The following MAST4 variants were observed in gnomAD, a reference collection of about 807,000 sequenced individuals.
MAST4 encodes microtubule-associated serine/threonine-protein kinase 4.
Under a neutral mutation model 162.7 loss-of-function variants are expected in MAST4, and 89 were observed. The ratio of observed to expected loss-of-function variants is 0.55; its 90% CI spans 0.46 to 0.65. MAST4 has a LOEUF of 0.65. Ranked by LOEUF, MAST4 falls within the 30% of genes least tolerant of loss-of-function variation. The pLI, the probability that MAST4 is intolerant of heterozygous loss-of-function variation, is 0.00. For missense variants in MAST4, 3,153 were observed against 3,374.0 expected, an observed-to-expected ratio of 0.93 and a Z score of 1.62; for synonymous variants, 1,479 against 1,361.1, an observed-to-expected ratio of 1.09 and a Z score of -1.91.
intron 1 of MAST4, among the ~76,000 whole-genome samples, chr5:66,619,892 AAAG>A (rs1461240276): frequency 1.3e-5 from 2 of 151,750 alleles, no homozygotes; most frequent in Non-Finnish European, 2.9e-5. Flanking sequence ...TGAGTCCTAT[AAAG>A]AAAAAAGTGT....
At chr5:66,716,336 A>ATG (rs1292267618) in intron 1 of MAST4, among the ~76,000 whole-genome samples, 2 of 151,586 alleles carry the variant, frequency 1.3e-5, no homozygotes, top group African/African-American at 4.9e-5. Context: ...CTCTCTCTCT[A>ATG]TGTGTGTGTA....
At chr5:66,676,469 C>A (rs931282219) in intron 1 of MAST4, among the ~76,000 whole-genome samples, 2 of 152,148 alleles carry the variant, frequency 1.3e-5, no homozygotes, top group African/African-American at 4.8e-5. Context: ...GACTCTTTTC[C>A]TCACAAGGCT....
chr5:67,049,141 T>C (rs2591879), intron 4 of MAST4, among the ~76,000 whole-genome samples: 317 of 149,318 alleles, frequency 2.1e-3, no homozygotes, highest in South Asian at 3.8e-3. Flanking sequence ...TAGTTGCCTT[T>C]TGGGGACTGG....
intron 1 of MAST4, among the ~76,000 whole-genome samples, chr5:66,740,925 A>T (rs572732938): frequency 1.9e-4 from 29 of 152,328 alleles, no homozygotes; most frequent in South Asian, 1.2e-3. Flanking sequence ...TGAAATGGGG[A>T]TGATAATACC....
intron 4 of MAST4, among the ~76,000 whole-genome samples, chr5:66,981,744 A>G (rs1203794097): frequency 1.3e-5 from 2 of 152,114 alleles, no homozygotes; most frequent in Admixed American, 6.5e-5. Context: ...TTGAGATTTC[A>G]TTTTTCAAGA....
intron 4 of MAST4, among the ~76,000 whole-genome samples, chr5:66,988,468 C>T (rs1448878857): frequency 1.3e-5 from 2 of 152,214 alleles, no homozygotes; most frequent in Non-Finnish European, 2.9e-5. Flanking sequence ...TATAAAATAA[C>T]AGTAACATGA....
intron 1 of MAST4, among the ~76,000 whole-genome samples, chr5:66,642,889 A>G (rs904554231): frequency 2.0e-5 from 3 of 152,034 alleles, no homozygotes; most frequent in Non-Finnish European, 2.9e-5. Flanking sequence ...CTGGACTGTT[A>G]TTTGCTGTGG....
chr5:66,840,518 A>G (rs1387136865), intron 3 of MAST4, among the ~76,000 whole-genome samples: 2 of 149,882 alleles, frequency 1.3e-5, no homozygotes, highest in Admixed American at 6.7e-5. Context: ...TCAATCCTTA[A>G]ATTTTTTACT....
At chr5:67,092,729 A>T (rs16896249) in intron 6 of MAST4, among the ~76,000 whole-genome samples, 10,158 of 152,232 alleles carry the variant, frequency 0.067, 679 homozygotes, top group East Asian at 0.17. Context: ...TGAATCTCCA[A>T]GTGTATTTCC....
At chr5:67,077,067 G>T (rs1245903073) in intron 5 of MAST4, among the ~76,000 whole-genome samples, 2 of 152,200 alleles carry the variant, frequency 1.3e-5, no homozygotes, top group Non-Finnish European at 2.9e-5. Flanking sequence ...GACATACCCA[G>T]ACCCAAGGCC....
At chr5:67,089,505 T>A (rs1763605014) in intron 5 of MAST4, among the ~76,000 whole-genome samples, 1 of 152,176 alleles carries the variant, frequency 6.6e-6, no homozygotes, top group Non-Finnish European at 1.5e-5. Flanking sequence ...GTCCAGCTGC[T>A]TAGGAGCAGA....
At chr5:66,772,737 A>C (rs1034610530) in intron 2 of MAST4, among the ~76,000 whole-genome samples, 5 of 152,232 alleles carry the variant, frequency 3.3e-5, no homozygotes, top group Non-Finnish European at 7.3e-5. Flanking sequence ...TGAGGCCCAG[A>C]TTCTAGTCCC....
intron 1 of MAST4, among the ~76,000 whole-genome samples, chr5:66,707,239 G>A (rs768451040): frequency 7.9e-5 from 12 of 152,146 alleles, no homozygotes; most frequent in Non-Finnish European, 1.3e-4. Flanking sequence ...CTAGAAATAC[G>A]TCACAAACGG....
chr5:66,867,390 A>G (rs1580707969), intron 3 of MAST4, among the ~76,000 whole-genome samples: 1 of 152,352 alleles, frequency 6.6e-6, no homozygotes, highest in East Asian at 1.9e-4. Flanking sequence ...ACATGATGCA[A>G]ATTAAGCTAA....
intron 4 of MAST4, among the ~76,000 whole-genome samples, chr5:67,053,878 C>T (rs1477826536): frequency 6.6e-6 from 1 of 152,036 alleles, no homozygotes; most frequent in Non-Finnish European, 1.5e-5. Flanking sequence ...GAATTGAATG[C>T]CATATACAAG....
intron 4 of MAST4, among the ~76,000 whole-genome samples, chr5:66,969,238 C>T (rs1313499635): frequency 2.0e-5 from 3 of 152,142 alleles, no homozygotes; most frequent in African/African-American, 7.2e-5. Flanking sequence ...ATAGACCCCA[C>T]CTAGCTGGCT....
At chr5:67,077,925 C>A (rs927321160) in intron 5 of MAST4, among the ~76,000 whole-genome samples, 4 of 152,046 alleles carry the variant, frequency 2.6e-5, no homozygotes, top group African/African-American at 7.3e-5. Context: ...CATGGTGAAA[C>A]CCCCTCTCTA....
At chr5:66,981,286 A>T (rs540751394) in intron 4 of MAST4, among the ~76,000 whole-genome samples, 19 of 152,328 alleles carry the variant, frequency 1.2e-4, no homozygotes, top group African/African-American at 4.1e-4. Flanking sequence ...ATTGGAAATT[A>T]TCCGCTCAAA....
At chr5:66,614,847 TC>T (rs947495355) in intron 1 of MAST4, among the ~76,000 whole-genome samples, 1 of 152,170 alleles carries the variant, frequency 6.6e-6, no homozygotes, top group Non-Finnish European at 1.5e-5. Flanking sequence ...GATGGGGTTC[TC>T]CTGCTGGAGA....
Sources: gnomAD v4.1 joint callset for allele counts (sites outside exome capture counted in the v4.1 genomes callset) on GRCh38, gnomAD v4.1.1 for gene constraint, MANE v1.5 for transcripts, NCBI Gene and HGNC (gene_info 2026-07-23, HGNC 2026-07-21) for gene names.